Variants in VTCN1 observed in about 807,000 individuals in gnomAD.
The protein encoded by VTCN1 is V-set domain containing T cell activation inhibitor 1.
VTCN1 carries 26 observed loss-of-function variants against 26.5 expected under a neutral mutation model. The observed-to-expected ratio is 0.98, with a 90% confidence interval of 0.72 to 1.36. VTCN1 has a LOEUF of 1.36. VTCN1 is among the 40% of genes most tolerant of loss of function. VTCN1 has a pLI of 0.00. For synonymous variants in VTCN1, 116 were observed against 130.7 expected, an observed-to-expected ratio of 0.89 and a Z score of 0.77; for missense variants, 298 against 337.7, an observed-to-expected ratio of 0.88 and a Z score of 0.92.
At chr1:117,163,954 C>G (rs1364936386) in intron 2 of VTCN1, among the ~76,000 whole-genome samples, 1 of 152,100 alleles carries the variant, frequency 6.6e-6, no homozygotes, top group South Asian at 2.1e-4. Context: ...CACACCTAGT[C>G]GGTTTATCCA....
chr1:117,153,410 G>T (rs1651904743), intron 3 of VTCN1, 41 bp from the exon 4 acceptor site: 1 of 1,559,018 alleles, frequency 6.4e-7, no homozygotes, highest in South Asian at 1.2e-5. Flanking sequence ...GCCAAAGTCA[G>T]ACACGTAAGA....
At chr1:117,177,506 AG>A (rs1444754841) in intron 1 of VTCN1, among the ~76,000 whole-genome samples, 1 of 152,114 alleles carries the variant, frequency 6.6e-6, no homozygotes, top group Non-Finnish European at 1.5e-5. Context: ...GTGGGGCTTG[AG>A]GGGTGTGTGT....
intron 1 of VTCN1, among the ~76,000 whole-genome samples, chr1:117,198,659 T>C (rs1246656768): frequency 6.6e-6 from 1 of 152,108 alleles, no homozygotes; most frequent in Non-Finnish European, 1.5e-5. Flanking sequence ...TGTCAGCAAA[T>C]GAAAGGAACA....
chr1:117,145,861 T>C lies in VTCN1; in HGVS notation c.*46-636A>G, dbSNP rs563489377. ...ATTGCCCAGGTTGGTTTTAAACTCC[T>C]GGGCTCAAGCAGTCCTCCCATCTTG... On this transcript the variant is annotated intron_variant, in intron 5 of 5. Coordinates refer to ENST00000369458, the MANE Select transcript of VTCN1 (RefSeq NM_024626.4). This position sits in a 1 kb window ranked among gnomAD's most constrained non-coding sequence, Gnocchi z 4.6. Among the ~76,000 whole-genome samples the C allele has an allele frequency of 6.6e-5, 10 of 152,296 alleles. No homozygotes were observed. In the South Asian group the frequency reaches 2.1e-3, roughly 32 times the overall value.
At chr1:117,204,090 T>C (rs1262458764) in intron 1 of VTCN1, among the ~76,000 whole-genome samples, 4 of 152,210 alleles carry the variant, frequency 2.6e-5, no homozygotes, top group Non-Finnish European at 5.9e-5. Context: ...AGACACAAAA[T>C]GTCCTTAAGT....
intron 3 of VTCN1, among the ~76,000 whole-genome samples, chr1:117,154,226 T>C (rs528446605): frequency 6.6e-6 from 1 of 152,278 alleles, no homozygotes; most frequent in African/African-American, 2.4e-5. Flanking sequence ...TGGGCGATGA[T>C]GTGGGAAACT....
At position 117,198,500 on chromosome 1, in the gene VTCN1, G is replaced by A. The variant is rs192109755; in HGVS notation, c.32+12324C>T. ...CCCCCATCCAACATTTCCATTCCCT[G>A]TCTTAGACATTTGGCTCCAGTGGCT... is the stretch of plus-strand genomic sequence containing the variant. On this transcript the variant is annotated intron_variant, in intron 1 of 5. Coordinates refer to ENST00000369458, the MANE Select transcript of VTCN1 (RefSeq NM_024626.4). Among the ~76,000 whole-genome samples, 156 of 152,276 alleles carry A rather than the reference G, an allele frequency of 1.0e-3. 1 individual carries two copies. The highest frequency in any genetic ancestry group is 3.5e-3 in the African/African-American group (147 of 41,548).
At chr1:117,172,949 G>C (rs1653000801) in intron 1 of VTCN1, among the ~76,000 whole-genome samples, 1 of 152,214 alleles carries the variant, frequency 6.6e-6, no homozygotes, top group Non-Finnish European at 1.5e-5. Flanking sequence ...CCAGACAGCA[G>C]CGGCAAACTC....
intron 1 of VTCN1, among the ~76,000 whole-genome samples, chr1:117,188,232 GGAGA>G (rs1330213224): frequency 1.3e-5 from 2 of 152,160 alleles, no homozygotes; most frequent in Admixed American, 1.3e-4. Flanking sequence ...AGAGAGAGAA[GGAGA>G]GAGACGGACA....
rs1338215884 is a variant in VTCN1, at chr1:117,175,768, TCTCTC to T, written c.33-5602_33-5598del. Among the ~76,000 whole-genome samples the T allele has an allele frequency of 5.4e-4, 44 of 81,814 alleles. No individual in the cohort carries two copies. The East Asian group carries it at 8.5e-3, about 16-fold the overall frequency. The allele number at this position is 81,814 out of a possible 152,430, so 53.7% of individuals were successfully genotyped here. A position where few individuals can be genotyped will look rare whatever the true frequency, so the allele number is the denominator to read the frequency against. ...AGAGAGATACCTATCTCTCTCTCTC[TCTCTC>T]TTTTTTTTTTTTTTTGAGATGGAGT... On this transcript the variant is annotated intron_variant, in intron 1 of 5. Transcript: ENST00000369458. The surrounding 1 kb of genome is among the most constrained non-coding windows in gnomAD (Gnocchi z 4.2).
chr1:117,157,728 C>T (rs1652163729), intron 2 of VTCN1, among the ~76,000 whole-genome samples: 1 of 152,132 alleles, frequency 6.6e-6, no homozygotes, highest in South Asian at 2.1e-4. Flanking sequence ...CCAACAGTCC[C>T]CCAAAGTCTT....
chr1:117,203,268 T>C (rs1648877979), intron 1 of VTCN1, among the ~76,000 whole-genome samples: 1 of 151,420 alleles, frequency 6.6e-6, no homozygotes, highest in Non-Finnish European at 1.5e-5. Flanking sequence ...ATGGGGGTTG[T>C]AAGAGGATTG....
chr1:117,204,271 G>T (rs1300942552), intron 1 of VTCN1, among the ~76,000 whole-genome samples: 1 of 152,150 alleles, frequency 6.6e-6, no homozygotes, highest in African/African-American at 2.4e-5. Flanking sequence ...CTTTATAACA[G>T]CCCTGTGACC....
intron 1 of VTCN1, among the ~76,000 whole-genome samples, chr1:117,182,499 C>T (rs1647720252): frequency 1.3e-5 from 2 of 152,200 alleles, no homozygotes; most frequent in African/African-American, 2.4e-5. Flanking sequence ...TTCCCGGCTG[C>T]AGCCCCTGCG....
At chr1:117,171,577 A>G (rs1652919403) in intron 1 of VTCN1, among the ~76,000 whole-genome samples, 2 of 152,222 alleles carry the variant, frequency 1.3e-5, no homozygotes, top group Non-Finnish European at 1.5e-5. Flanking sequence ...ATTTTTAATG[A>G]ACAGATTAAC....
chr1:117,148,607 T>C (rs1344318969), intron 4 of VTCN1, among the ~76,000 whole-genome samples: 1 of 152,246 alleles, frequency 6.6e-6, no homozygotes, highest in East Asian at 1.9e-4. Flanking sequence ...TTCCAGTTGC[T>C]GCTAGATATG....
chr1:117,163,039 C>T (rs954763440), intron 2 of VTCN1, among the ~76,000 whole-genome samples: 1 of 152,178 alleles, frequency 6.6e-6, no homozygotes, highest in Admixed American at 6.5e-5. Context: ...CAGATGGGCA[C>T]CACAGTACAT....
In VTCN1 at chr1:117,155,728, G is replaced by C. The variant is rs1393093321; in HGVS notation, c.445+846C>G. Among the ~76,000 whole-genome samples the C allele has an allele frequency of 1.3e-5, 2 of 152,194 alleles. No individual in the cohort carries two copies. Among genetic ancestry groups the C allele is most frequent in the East Asian group, 3.9e-4 (2 of 5,160 alleles). On this transcript the variant is annotated intron_variant, in intron 3 of 5. Transcript: ENST00000369458. This position sits in a 1 kb window ranked among gnomAD's most constrained non-coding sequence, Gnocchi z 4.8. ...TGCATGTTATGAGGTGTGCAAGAAA[G>C]ACCTGTGCATACTAGTTTAGGCTGG...
intron 1 of VTCN1, among the ~76,000 whole-genome samples, chr1:117,187,315 A>G (rs1345348445): frequency 1.4e-5 from 2 of 147,670 alleles, no homozygotes; most frequent in African/African-American, 5.2e-5. Flanking sequence ...GTCTCAAAAA[A>G]AAAAAAAAAA....
Sources: gnomAD v4.1 joint callset for allele counts (sites outside exome capture counted in the v4.1 genomes callset) on GRCh38, gnomAD v4.1.1 for gene constraint, Gnocchi (gnomAD v3.1) non-coding constraint, MANE v1.5 for transcripts, NCBI Gene and HGNC (gene_info 2026-07-23, HGNC 2026-07-21) for gene names.